ERBB4: variants seen among roughly 807,000 people sequenced by gnomAD.
The protein encoded by ERBB4 is receptor tyrosine-protein kinase erbB-4.
In ERBB4, 42 loss-of-function variants were observed where a neutral mutation model predicts 158.0. The ratio of observed to expected loss-of-function variants is 0.27; its 90% CI spans 0.21 to 0.34. The LOEUF is 0.34. Ranked by LOEUF, ERBB4 falls within the 10% of genes least tolerant of loss-of-function variation. The pLI, the probability that ERBB4 is intolerant of heterozygous loss-of-function variation, is 1.00. For synonymous variants in ERBB4, 583 were observed against 558.7 expected (o/e 1.04, Z -0.61); for missense variants, 1,333 against 1,624.1 (o/e 0.82, Z 3.08).
chr2:212,317,968 A>AAACT (rs1366844036), intron 1 of ERBB4, among the ~76,000 whole-genome samples: 1 of 151,682 alleles, frequency 6.6e-6, no homozygotes, highest in Non-Finnish European at 1.5e-5. Context: ...AGAGACAGCA[A>AAACT]AACTATATGC....
At chr2:211,785,218 C>T (rs562081583) in intron 4 of ERBB4, among the ~76,000 whole-genome samples, 45 of 152,020 alleles carry the variant, frequency 3.0e-4, no homozygotes, top group Non-Finnish European at 4.9e-4. Flanking sequence ...TCTCCAGCCT[C>T]AGCCTCCCGA....
At chr2:212,008,603 A>ACT (rs2076310411) in intron 2 of ERBB4, among the ~76,000 whole-genome samples, 1 of 152,116 alleles carries the variant, frequency 6.6e-6, no homozygotes, top group Non-Finnish European at 1.5e-5. Flanking sequence ...TCATTTTAAC[A>ACT]GTTCACAACA....
At chr2:211,660,651 A>G (rs1574941862) in intron 15 of ERBB4, among the ~76,000 whole-genome samples, 2 of 152,332 alleles carry the variant, frequency 1.3e-5, no homozygotes, top group African/African-American at 4.8e-5. Flanking sequence ...TAACGGGGAA[A>G]GAAGGCATGA....
intron 20 of ERBB4, among the ~76,000 whole-genome samples, chr2:211,476,716 C>CA (rs1460245776): frequency 6.6e-6 from 1 of 151,932 alleles, no homozygotes; most frequent in Admixed American, 6.6e-5. Flanking sequence ...AAATGATAGA[C>CA]ACTATAAACT....
intron 3 of ERBB4, among the ~76,000 whole-genome samples, chr2:211,943,137 T>A (rs565029379): frequency 2.0e-5 from 3 of 152,184 alleles, no homozygotes; most frequent in African/African-American, 7.2e-5. Flanking sequence ...TAGATTAAAT[T>A]GTATCACATT....
chr2:212,206,022 T>C (rs1306057407), intron 1 of ERBB4, among the ~76,000 whole-genome samples: 2 of 152,198 alleles, frequency 1.3e-5, no homozygotes, highest in Non-Finnish European at 2.9e-5. Flanking sequence ...ATAATTTTAT[T>C]TATATCTTTA....
intron 3 of ERBB4, among the ~76,000 whole-genome samples, chr2:211,938,758 C>T (rs1258826350): frequency 6.6e-6 from 1 of 152,078 alleles, no homozygotes; most frequent in Non-Finnish European, 1.5e-5. Context: ...TGAGAGAAGA[C>T]AAGCATGTAG....
chr2:211,893,455 C>G (rs1469724815), intron 3 of ERBB4, among the ~76,000 whole-genome samples: 2 of 140,154 alleles, frequency 1.4e-5, no homozygotes, highest in East Asian at 3.9e-4. Context: ...ACCATAAAAA[C>G]CCTAGAAGAA....
chr2:211,853,732 G>T (rs766930310), intron 3 of ERBB4, among the ~76,000 whole-genome samples: 17 of 151,866 alleles, frequency 1.1e-4, no homozygotes, highest in Non-Finnish European at 2.1e-4. Context: ...AAATATATGT[G>T]TTTTTTTCTA....
At chr2:211,742,227 A>G (rs963834703) in intron 5 of ERBB4, among the ~76,000 whole-genome samples, 2 of 152,204 alleles carry the variant, frequency 1.3e-5, no homozygotes, top group African/African-American at 4.8e-5. Flanking sequence ...TATTTACCAC[A>G]TCGGCACCTT....
intron 1 of ERBB4, among the ~76,000 whole-genome samples, chr2:212,346,355 A>T (rs2088999966): frequency 6.6e-6 from 1 of 152,064 alleles, no homozygotes; most frequent in African/African-American, 2.4e-5. Flanking sequence ...TGAAGTAAAA[A>T]CATATTCTCT....
rs2125404011 is a variant in ERBB4 at position 211,420,593 on chromosome 2, G to A, written c.2983C>T (p.Leu995Phe). Residue 995 changes from leucine to phenylalanine, a missense_variant, in exon 25 of 28, where the codon CTT becomes TTT. Physicochemically the swap from Leu to Phe is conservative, Grantham distance 22. Coordinates refer to ENST00000342788, the MANE Select transcript of ERBB4 (RefSeq NM_005235.3). The part of the protein sequence containing the change: ...LVIQGDDRMK[L>F]PSPNDSKFFQ... Reference sequence around the variant, plus strand: ...AACTTGCTGTCATTTGGACTGGGAAGCTTCATACGATCATCACCCTAAAAG... The same window carrying A: ...AACTTGCTGTCATTTGGACTGGGAAACTTCATACGATCATCACCCTAAAAG... 1 of 1,610,674 alleles carries A rather than the reference G, an allele frequency of 6.2e-7. No individual in the cohort carries two copies. Among genetic ancestry groups the A allele is most frequent in the East Asian group, 2.2e-5 (1 of 44,822 alleles).
chr2:211,974,170 C>T (rs940564070), intron 2 of ERBB4, among the ~76,000 whole-genome samples: 8 of 152,144 alleles, frequency 5.3e-5, no homozygotes, highest in Non-Finnish European at 1.0e-4. Flanking sequence ...ATCTGTACAA[C>T]AAACTTCCAT....
At chr2:211,483,706 C>T (rs2065138675) in intron 20 of ERBB4, among the ~76,000 whole-genome samples, 1 of 151,992 alleles carries the variant, frequency 6.6e-6, no homozygotes, top group Non-Finnish European at 1.5e-5. Flanking sequence ...TGTCCACCAT[C>T]ATACTTGGCT....
intron 1 of ERBB4, among the ~76,000 whole-genome samples, chr2:212,389,102 T>C (rs1049877565): frequency 7.9e-5 from 12 of 152,100 alleles, no homozygotes; most frequent in Admixed American, 3.9e-4. Context: ...AATCTCAAAA[T>C]TTCAGGTGGC....
At chr2:211,467,554 T>C (rs2064724993) in intron 20 of ERBB4, among the ~76,000 whole-genome samples, 2 of 152,140 alleles carry the variant, frequency 1.3e-5, no homozygotes. Flanking sequence ...AATAATCCTG[T>C]GTAAATATCT....
At chr2:212,328,761 G>A (rs1218294507) in intron 1 of ERBB4, among the ~76,000 whole-genome samples, 1 of 151,916 alleles carries the variant, frequency 6.6e-6, no homozygotes, top group African/African-American at 2.4e-5. Context: ...TAGGGTATAA[G>A]AATAATTATA....
intron 7 of ERBB4, among the ~76,000 whole-genome samples, chr2:211,717,914 T>C (rs1302414646): frequency 1.3e-5 from 2 of 152,130 alleles, no homozygotes; most frequent in Non-Finnish European, 2.9e-5. Flanking sequence ...AGGGAAGATA[T>C]ATATATTTTT....
At chr2:212,033,099 G>A (rs919272585) in intron 2 of ERBB4, among the ~76,000 whole-genome samples, 1 of 151,952 alleles carries the variant, frequency 6.6e-6, no homozygotes, top group East Asian at 1.9e-4. Flanking sequence ...CTAGATACAC[G>A]GCAGGGAGAA....
Sources: allele counts gnomAD v4.1 joint callset (sites outside exome capture counted in the v4.1 genomes callset), GRCh38; gene constraint gnomAD v4.1.1; transcripts MANE v1.5; gene names NCBI Gene and HGNC (gene_info 2026-07-23, HGNC 2026-07-21).